HHAT: variants seen among roughly 807,000 people sequenced by gnomAD.
HHAT encodes the protein protein-cysteine N-palmitoyltransferase HHAT.
HHAT carries 47 observed loss-of-function variants against 70.8 expected under a neutral mutation model. The observed-to-expected ratio is 0.66, with a 90% CI of 0.53 to 0.85. The LOEUF (loss-of-function observed/expected upper bound fraction) is 0.85, where lower values mean the gene tolerates loss of function less well. HHAT is among the 40% of genes least tolerant of loss of function. The pLI, the probability that HHAT is intolerant of heterozygous loss-of-function variation, is 0.00. For missense variants in HHAT, 609 were observed against 604.8 expected, an observed-to-expected ratio of 1.01 and a Z score of -0.07; for synonymous variants, 228 against 247.6, an observed-to-expected ratio of 0.92 and a Z score of 0.74.
chr1:210,402,433 G>T (rs2143440), intron 5 of HHAT, among the ~76,000 whole-genome samples: 2 of 151,968 alleles, frequency 1.3e-5, no homozygotes, highest in East Asian at 1.9e-4. Flanking sequence ...ACACATTTAC[G>T]TATGTTTATG....
chr1:210,550,441 A>G (rs1204995063), intron 9 of HHAT, among the ~76,000 whole-genome samples: 1 of 148,916 alleles, frequency 6.7e-6, no homozygotes, highest in Non-Finnish European at 1.5e-5. Flanking sequence ...AGTTTCCTCA[A>G]CTGTAAAATG....
rs191779077 is a variant in HHAT at position 210,612,238 on chromosome 1, C to T, written c.1246-11288C>T. Among the ~76,000 whole-genome samples the T allele has an allele frequency of 1.4e-4, 22 of 152,230 alleles. No homozygotes were observed. The East Asian group carries it at 4.0e-3, about 28-fold the overall frequency. ...ACAATTAAGGGGTATTAAAAACATT[C>T]GTATTGTTTTACAACCATCACCACC... On this transcript the variant is annotated intron_variant, in intron 10 of 11. Coordinates refer to ENST00000261458, the MANE Select transcript of HHAT (RefSeq NM_018194.6).
intron 6 of HHAT, among the ~76,000 whole-genome samples, chr1:210,412,351 A>G (rs1028396577): frequency 1.3e-5 from 2 of 152,196 alleles, no homozygotes; most frequent in Admixed American, 6.5e-5. Context: ...AACTTGTTCC[A>G]GCACCAACTC....
rs55698434 is a variant in HHAT, at chr1:210,573,778, C to T, written c.1044-14120C>T. Among the ~76,000 whole-genome samples the T allele has an allele frequency of 4.8e-3, 727 of 152,214 alleles. 3 individuals are homozygous for T. The highest frequency in any genetic ancestry group is 0.017 in the African/African-American group (703 of 41,532). ...GACTTTGTAAATATTCCCTCCAAAC[C>T]CCACAGCACTTTAGAGGAGAACACA... On this transcript the variant is annotated intron_variant, in intron 9 of 11. Transcript: ENST00000261458.
intron 3 of HHAT, among the ~76,000 whole-genome samples, chr1:210,367,211 ATGT>A (rs755377493): frequency 1.3e-5 from 2 of 152,188 alleles, no homozygotes; most frequent in Non-Finnish European, 2.9e-5. Context: ...ATTTTATTTG[ATGT>A]TGTCCTTTCT....
chr1:210,535,855 A>C (rs2095366915), intron 9 of HHAT, among the ~76,000 whole-genome samples: 1 of 152,234 alleles, frequency 6.6e-6, no homozygotes, highest in Non-Finnish European at 1.5e-5. Context: ...CAAACATGCA[A>C]ATATGCTAAA....
At chr1:210,377,994 GTGT>G (rs1253120015) in intron 3 of HHAT, among the ~76,000 whole-genome samples, 2 of 152,210 alleles carry the variant, frequency 1.3e-5, no homozygotes, top group Non-Finnish European at 2.9e-5. Flanking sequence ...TTGAGAGAGA[GTGT>G]TGTCTCTGGA....
chr1:210,461,489 T>G (rs987894603), intron 7 of HHAT, among the ~76,000 whole-genome samples: 1 of 151,956 alleles, frequency 6.6e-6, no homozygotes. Flanking sequence ...CTTAGTAGAG[T>G]TGGGGCTTCA....
chr1:210,581,947 A>G (rs61830062), intron 9 of HHAT, among the ~76,000 whole-genome samples: 27,337 of 152,158 alleles, frequency 0.18, 3,296 homozygotes, highest in Non-Finnish European at 0.27. Flanking sequence ...CACACATCAC[A>G]TATCTAGTGC....
intron 11 of HHAT, among the ~76,000 whole-genome samples, chr1:210,637,053 G>T (rs1349415515): frequency 6.6e-6 from 1 of 152,152 alleles, no homozygotes; most frequent in Non-Finnish European, 1.5e-5. Context: ...CTCGTAGGGG[G>T]TTGTAGAGAT....
At chr1:210,653,426 G>T (rs977884953) in intron 11 of HHAT, among the ~76,000 whole-genome samples, 3 of 151,826 alleles carry the variant, frequency 2.0e-5, no homozygotes, top group African/African-American at 7.3e-5. Flanking sequence ...GGGGAGAGGG[G>T]TGCTGAGGTG....
intron 1 of HHAT, among the ~76,000 whole-genome samples, chr1:210,342,936 GAA>G (rs1484764210): frequency 1.3e-5 from 2 of 152,130 alleles, no homozygotes; most frequent in African/African-American, 4.8e-5. Context: ...AATAAACAGG[GAA>G]AACAAAGTAG....
chr1:210,392,495 T>C lies in HHAT; in HGVS notation c.273+4914T>C, dbSNP rs903012405. Among the ~76,000 whole-genome samples the C allele has an allele frequency of 4.1e-4, 62 of 152,238 alleles. 1 individual carries two copies. The highest frequency in any genetic ancestry group is 1.2e-4 in the Non-Finnish European group (8 of 68,046). On this transcript the variant is annotated intron_variant, in intron 4 of 11. Transcript: ENST00000261458. ...ACTACAGATATCCTGTTTATATCTC[T>C]TCATGTACTGTGCGTATGTCTGTGC... is the stretch of plus-strand genomic sequence containing the variant.
intron 11 of HHAT, among the ~76,000 whole-genome samples, chr1:210,639,817 A>G (rs1448528355): frequency 1.3e-5 from 2 of 152,160 alleles, no homozygotes; most frequent in Non-Finnish European, 2.9e-5. Context: ...AACCTCCAGT[A>G]CAGTTGTTTC....
intron 9 of HHAT, among the ~76,000 whole-genome samples, chr1:210,552,427 G>A (rs1168918555): frequency 6.6e-6 from 1 of 152,196 alleles, no homozygotes; most frequent in Non-Finnish European, 1.5e-5. Flanking sequence ...GTGGAAATAC[G>A]GGAAATGGAC....
At chr1:210,376,812 G>A (rs2090260362) in intron 3 of HHAT, among the ~76,000 whole-genome samples, 1 of 152,244 alleles carries the variant, frequency 6.6e-6, no homozygotes, top group African/African-American at 2.4e-5. Flanking sequence ...CTTTCAGGCA[G>A]TGTGTAAAGT....
chr1:210,362,957 C>G (rs1405253981), intron 3 of HHAT, 38 bp downstream of exon 3: 1 of 1,452,068 alleles, frequency 6.9e-7, no homozygotes, highest in East Asian at 2.3e-5. Flanking sequence ...AGTTTTCAAA[C>G]CTGATTTCAA....
intron 11 of HHAT, among the ~76,000 whole-genome samples, chr1:210,634,918 G>A (rs1485583127): frequency 5.3e-5 from 8 of 152,194 alleles, no homozygotes; most frequent in African/African-American, 1.9e-4. Flanking sequence ...AGGGACAGTG[G>A]TCAGCTGGGT....
In HHAT at chr1:210,404,532, C is replaced by A; in HGVS notation, c.537C>A (p.Tyr179Ter). Residue 179 changes from tyrosine (Y) to a stop codon, truncating the protein, a stop_gained, in exon 6 of 12, where the codon TAC (tyrosine) becomes TAA (stop). Coordinates refer to ENST00000261458, the MANE Select transcript of HHAT (RefSeq NM_018194.6). LOFTEE classifies it high-confidence loss of function. ...TCACGCTGACCGTTCGCTGCCTGTA[C>A]TACACCAGCTTCAGCCTGGAGCTCT... is the stretch of plus-strand genomic sequence containing the variant. Reference protein sequence around the residue: ...LQFTLTVRCLYYTSFSLELCW... With the variant: ...LQFTLTVRCL 5.0e-6 allele frequency: 8 copies of A among 1,613,864 alleles called. No individual in the cohort carries two copies. The highest frequency in any genetic ancestry group is 5.9e-6 in the Non-Finnish European group (7 of 1,179,930).
Sources: gnomAD v4.1 joint callset for allele counts (sites outside exome capture counted in the v4.1 genomes callset) on GRCh38, gnomAD v4.1.1 for gene constraint, MANE v1.5 for transcripts, NCBI Gene and HGNC (gene_info 2026-07-23, HGNC 2026-07-21) for gene names.